ELK3: variants seen among roughly 807,000 people sequenced by gnomAD.
ELK3 encodes ETS transcription factor ELK3.
Under a neutral mutation model 28.9 loss-of-function variants are expected in ELK3, and 10 were observed. That is an observed-to-expected ratio of 0.35 (90% CI 0.21 to 0.59). The LOEUF (loss-of-function observed/expected upper bound fraction) is 0.59, where lower values mean the gene tolerates loss of function less well. Ranked by LOEUF, ELK3 falls within the 20% of genes least tolerant of loss-of-function variation. The pLI, the probability that ELK3 is intolerant of heterozygous loss-of-function variation, is 0.82. For missense variants in ELK3, 463 were observed against 517.3 expected (o/e 0.90, Z 1.02); for synonymous variants, 272 against 243.5 (o/e 1.12, Z -1.09).
In ELK3 at chr12:96,258,977, G is replaced by T. The variant is rs866003049; in HGVS notation, c.1003-754G>T. Among the ~76,000 whole-genome samples the T allele has an allele frequency of 3.1e-4, 47 of 152,304 alleles. No individual in the cohort carries two copies. The Middle Eastern group carries it at 0.01, about 33-fold the overall frequency. On this transcript the variant is annotated intron_variant, in intron 3 of 4. Transcript: ENST00000228741. Reference sequence around the variant, plus strand: ...AGCAAATCCCAAAGCCTTAACAGCTGTTGATATGGAGACCATTTAAAAACG... The same window carrying T: ...AGCAAATCCCAAAGCCTTAACAGCTTTTGATATGGAGACCATTTAAAAACG...
chr12:96,263,015 G>A (rs1370668823), intron 4 of ELK3, among the ~76,000 whole-genome samples: 3 of 151,952 alleles, frequency 2.0e-5, no homozygotes, highest in African/African-American at 4.8e-5. Context: ...TTTCATGTAC[G>A]CTATAGATGT....
chr12:96,210,561 GCACGCACACACACACACA>G (rs1412734802), intron 1 of ELK3, among the ~76,000 whole-genome samples: 124 of 144,846 alleles, frequency 8.6e-4, no homozygotes, highest in African/African-American at 2.8e-3. Context: ...GCGCGCGGGC[GCACGCACACACACACACA>G]CACACACACA....
At chr12:96,243,290 C>T (rs529302103) in intron 2 of ELK3, among the ~76,000 whole-genome samples, 2 of 152,182 alleles carry the variant, frequency 1.3e-5, no homozygotes, top group African/African-American at 4.8e-5. Context: ...TCCTTCCTTC[C>T]ACCCCTCTCA....
intron 4 of ELK3, among the ~76,000 whole-genome samples, chr12:96,266,699 G>A (rs1952034005): frequency 6.6e-6 from 1 of 151,954 alleles, no homozygotes; most frequent in Admixed American, 6.6e-5. Context: ...AGAGTCTATG[G>A]TTTTCAAAAC....
rs537066310 is a variant in ELK3, at chr12:96,194,494, C to G, written c.-214C>G. 6.6e-6 allele frequency: 1 copy of G among 150,844 alleles called. No individual in the cohort carries two copies. Among genetic ancestry groups the G allele is most frequent in the South Asian group, 2.1e-4 (1 of 4,810 alleles). 9.3% of individuals were successfully genotyped at this position (150,844 alleles called of 1,614,324 possible). A position where few individuals can be genotyped will look rare whatever the true frequency, so the allele number is the denominator to read the frequency against. ...GGAATAATGCAGTAAAGGAAGTGAG[C>G]CGGCTCGGCCTGACTGCTCCAACTT... On this transcript the variant is annotated 5_prime_UTR_variant, in exon 1 of 5. Coordinates refer to ENST00000228741, the MANE Select transcript of ELK3 (RefSeq NM_005230.4).
chr12:96,216,061 C>T (rs1951615169), intron 1 of ELK3, among the ~76,000 whole-genome samples: 1 of 152,222 alleles, frequency 6.6e-6, no homozygotes, highest in Non-Finnish European at 1.5e-5. Context: ...GCGTTTTACT[C>T]TCGGCCTCTC....
intron 2 of ELK3, 103 bp from the exon 3 acceptor site, chr12:96,246,837 G>T: frequency 8.2e-7 from 1 of 1,217,714 alleles, no homozygotes; most frequent in Non-Finnish European, 1.1e-6. Context: ...TGTAAATCAG[G>T]AACATTTTGG....
chr12:96,267,700 G>A lies in ELK3; in HGVS notation c.*520G>A, dbSNP rs1467258361. 1 of 152,682 alleles carries A rather than the reference G, an allele frequency of 6.5e-6. No individual in the cohort carries two copies. Among genetic ancestry groups the A allele is most frequent in the African/African-American group, 2.4e-5 (1 of 41,448 alleles). 9.5% of individuals were successfully genotyped at this position (152,682 alleles called of 1,614,324 possible). A position where few individuals can be genotyped will look rare whatever the true frequency, so the allele number is the denominator to read the frequency against. ...TTTTTCACCAGTGGGCAATATGAAAGCATATATCACGTTTTGTTTTACTTT... is the reference window on the plus strand; with the variant it reads ...TTTTTCACCAGTGGGCAATATGAAAACATATATCACGTTTTGTTTTACTTT... On this transcript the variant is annotated 3_prime_UTR_variant, in exon 5 of 5. Transcript: ENST00000228741.
chr12:96,230,020 C>T (rs1165812560), intron 2 of ELK3, among the ~76,000 whole-genome samples: 1 of 152,196 alleles, frequency 6.6e-6, no homozygotes, highest in Non-Finnish European at 1.5e-5. Context: ...CCTCCATATA[C>T]AGTCATGTAC....
intron 3 of ELK3, among the ~76,000 whole-genome samples, chr12:96,253,561 G>A (rs1464267264): frequency 6.6e-6 from 1 of 152,226 alleles, no homozygotes. Context: ...AGCTTCCAGA[G>A]ATTCAGTCAC....
At chr12:96,199,440 G>A (rs1028239091) in intron 1 of ELK3, among the ~76,000 whole-genome samples, 3 of 150,920 alleles carry the variant, frequency 2.0e-5, no homozygotes, top group Non-Finnish European at 2.9e-5. Context: ...GAAAACTCTA[G>A]TTTTGCCACT....
intron 1 of ELK3, among the ~76,000 whole-genome samples, chr12:96,199,394 T>G (rs1479971692): frequency 1.3e-5 from 2 of 152,114 alleles, no homozygotes; most frequent in Admixed American, 1.3e-4. Flanking sequence ...TTGAGGTCAT[T>G]CAGCCTTTTG....
chr12:96,220,395 T>TC (rs1286205035), intron 1 of ELK3, among the ~76,000 whole-genome samples: 6 of 149,100 alleles, frequency 4.0e-5, no homozygotes, highest in African/African-American at 1.5e-4. Flanking sequence ...TTTTTTTTTT[T>TC]TTTTTTTTTG....
At chr12:96,266,019 GTGA>G (rs1285474819) in intron 4 of ELK3, among the ~76,000 whole-genome samples, 8 of 152,156 alleles carry the variant, frequency 5.3e-5, no homozygotes, top group African/African-American at 1.7e-4. Context: ...TATTAGCTGT[GTGA>G]CCTTTAGCCA....
chr12:96,264,635 A>T (rs1382728595), intron 4 of ELK3, among the ~76,000 whole-genome samples: 1 of 152,030 alleles, frequency 6.6e-6, no homozygotes, highest in African/African-American at 2.4e-5. Context: ...AAATACAAAA[A>T]TTGGCCACGT....
intron 2 of ELK3, among the ~76,000 whole-genome samples, chr12:96,234,350 G>A (rs957106813): frequency 2.6e-5 from 4 of 152,156 alleles, no homozygotes; most frequent in African/African-American, 4.8e-5. Flanking sequence ...ATCCACTTAC[G>A]TCAGGCTGTT....
chr12:96,227,457 T>A (rs1320722190), intron 2 of ELK3, among the ~76,000 whole-genome samples: 3 of 152,116 alleles, frequency 2.0e-5, no homozygotes, highest in Non-Finnish European at 4.4e-5. Flanking sequence ...CATGAGAATA[T>A]CATTATTTTT....
At chr12:96,259,913 A>G in intron 4 of ELK3, 60 bp downstream of exon 4, 2 of 1,515,574 alleles carry the variant, frequency 1.3e-6, no homozygotes, top group Non-Finnish European at 1.8e-6. Context: ...TTTTTCTCTA[A>G]ATCCTGCAGA....
At chr12:96,197,377 C>A (rs1201518628) in intron 1 of ELK3, among the ~76,000 whole-genome samples, 6 of 151,724 alleles carry the variant, frequency 4.0e-5, no homozygotes, top group African/African-American at 1.5e-4. Context: ...TTTTTTTTGC[C>A]CAAAATGTCT....
Sources: allele counts gnomAD v4.1 joint callset (sites outside exome capture counted in the v4.1 genomes callset), GRCh38; gene constraint gnomAD v4.1.1; transcripts MANE v1.5; gene names NCBI Gene and HGNC (gene_info 2026-07-23, HGNC 2026-07-21).